The following NUP54 variants were observed in gnomAD, a reference collection of about 807,000 sequenced individuals.
NUP54 encodes the protein nucleoporin 54, also known as nucleoporin p54.
A neutral mutation model predicts 66.4 loss-of-function variants in NUP54; 27 were observed. The ratio of observed to expected loss-of-function variants is 0.41; its 90% CI spans 0.30 to 0.56. The LOEUF (loss-of-function observed/expected upper bound fraction) is 0.56. NUP54 is among the 20% of genes least tolerant of loss of function. The probability of loss-of-function intolerance (pLI) is 0.34; values close to 1 mark genes in which losing one functional copy is unlikely to be tolerated. For missense variants in NUP54, 486 were observed against 596.3 expected (o/e 0.82, Z 1.93); for synonymous variants, 206 against 210.7 (o/e 0.98, Z 0.19).
At chr4:76,147,825 G>A (rs561074114) in intron 1 of NUP54, 3 of 364,018 alleles carry the variant, frequency 8.2e-6, no homozygotes, top group East Asian at 1.5e-4. Context: ...GAAGCATGAC[G>A]GATAAACCCC....
intron 9 of NUP54, among the ~76,000 whole-genome samples, chr4:76,123,028 G>A (rs2109861378): frequency 6.6e-6 from 1 of 152,310 alleles, no homozygotes; most frequent in South Asian, 2.1e-4. Context: ...AGGCAAAACT[G>A]GTTGCATAGG....
At chr4:76,132,393 A>G (rs1730839760) in intron 6 of NUP54, 130 bp downstream of exon 6, 2 of 579,516 alleles carry the variant, frequency 3.5e-6, no homozygotes, top group Non-Finnish European at 2.8e-6. Flanking sequence ...TATTTCCCAA[A>G]TAAGTAGATA....
At chr4:76,139,952 TAAAGA>T (rs1429869512) in intron 3 of NUP54, among the ~76,000 whole-genome samples, 1 of 152,080 alleles carries the variant, frequency 6.6e-6, no homozygotes, top group Non-Finnish European at 1.5e-5. Flanking sequence ...TTTGATAAAA[TAAAGA>T]AAACAGAAAC....
Position 76,134,477 on chromosome 4 carries a change from T to C in NUP54, c.523-115A>G, listed in dbSNP as rs1269558703. The C allele has an allele frequency of 1.5e-5, 13 of 841,682 alleles. No homozygotes were observed. In the African/African-American group the frequency reaches 1.9e-4, roughly 12 times the overall value. 52.1% of individuals were successfully genotyped at this position (841,682 alleles called of 1,614,324 possible). A position where few individuals can be genotyped will look rare whatever the true frequency, so the allele number is the denominator to read the frequency against. On this transcript the variant is annotated intron_variant, in intron 4 of 11. Transcript: ENST00000264883. Reference sequence around the variant, plus strand: ...GGAAAAACAACTTAATGTCTGGTAATTAAGGGAATAATGATTCTTCCCACC... The same window carrying C: ...GGAAAAACAACTTAATGTCTGGTAACTAAGGGAATAATGATTCTTCCCACC...
chr4:76,121,758 TAC>T (rs1334241566), intron 9 of NUP54, among the ~76,000 whole-genome samples: 2 of 152,246 alleles, frequency 1.3e-5, no homozygotes, highest in Non-Finnish European at 2.9e-5. Context: ...ATTCCTATTT[TAC>T]AGTTTTGTCA....
Position 76,118,097 on chromosome 4 carries a change from A to AGT in NUP54, c.1260_1261dup (p.Leu421HisfsTer2). On this transcript the variant is annotated frameshift_variant, in exon 10 of 12. Transcript: ENST00000264883. LOFTEE classifies it high-confidence loss of function. ...TACCTTGAACTGAGTAGGTGCATTT[A>AGT]GTTCACCCTGAATCGTATCCAGCTG... The AGT allele has an allele frequency of 6.2e-7, 1 of 1,614,082 alleles. No homozygotes were observed. The highest frequency in any genetic ancestry group is 8.5e-7 in the Non-Finnish European group (1 of 1,179,948).
In NUP54 at chr4:76,148,355, G is replaced by A. The variant is rs1333851368; in HGVS notation, c.20C>T (p.Ala7Val). 1 of 1,546,558 alleles carries A rather than the reference G, an allele frequency of 6.5e-7. No homozygotes were observed. Among genetic ancestry groups the A allele is most frequent in the Non-Finnish European group, 8.7e-7 (1 of 1,147,358 alleles). MAFNFGAPSGTSGTAAA... is the reference protein window; with the variant it reads MAFNFGVPSGTSGTAAA... ...AGCGGTACCGGAGGTGCCCGAGGGA[G>A]CCCCAAAATTGAAGGCCATGTCGCG... The change falls in exon 1 of 12, where the codon GCT (alanine) becomes GTT (valine). Residue 7 changes from alanine (A) to valine (V), a missense_variant. Physicochemically the swap from Ala to Val is moderately conservative, Grantham distance 64. Transcript: ENST00000264883.
At chr4:76,147,636 A>G (rs1731558790) in intron 1 of NUP54, 1 of 1,289,362 alleles carries the variant, frequency 7.8e-7, no homozygotes, top group Non-Finnish European at 1.0e-6. Flanking sequence ...CAAGCCCACC[A>G]AATCCTGATA....
chr4:76,135,820 G>A (rs1222930670), intron 4 of NUP54, among the ~76,000 whole-genome samples: 3 of 152,178 alleles, frequency 2.0e-5, no homozygotes, highest in African/African-American at 2.4e-5. Context: ...TACATGCCAA[G>A]GGGAATTTCT....
In NUP54 at chr4:76,139,063, TTACTA is replaced by T. The variant is rs1229378688; in HGVS notation, c.296-2656_296-2652del. ...AAAAAGAAAAAAAATTATCTTGCCT[TTACTA>T]TACAAACTGTACATCAGGGTGATCA... On this transcript the variant is annotated intron_variant, in intron 3 of 11. Coordinates refer to ENST00000264883, the MANE Select transcript of NUP54 (RefSeq NM_017426.4). Among the ~76,000 whole-genome samples, 5 of 152,188 alleles carry T rather than the reference TTACTA, an allele frequency of 3.3e-5. No individual in the cohort carries two copies. In the East Asian group the frequency reaches 9.6e-4, roughly 29 times the overall value.
chr4:76,141,184 T>C (rs1450073614), intron 3 of NUP54, among the ~76,000 whole-genome samples: 1 of 152,176 alleles, frequency 6.6e-6, no homozygotes, highest in East Asian at 1.9e-4. Context: ...TATACTGAGA[T>C]AGGACAAGCA....
chr4:76,134,456 AAAC>A, intron 4 of NUP54, 94 bp from the exon 5 acceptor site: 1 of 1,019,798 alleles, frequency 9.8e-7, no homozygotes, highest in Non-Finnish European at 1.4e-6. Flanking sequence ...AAAATGGGAA[AAAC>A]AACTTAATGT....
intron 9 of NUP54, among the ~76,000 whole-genome samples, chr4:76,119,162 ATTTT>A (rs929508662): frequency 2.0e-5 from 3 of 152,112 alleles, no homozygotes; most frequent in African/African-American, 7.2e-5. Context: ...TATTTCTTGG[ATTTT>A]TTTTGAGATT....
intron 3 of NUP54, among the ~76,000 whole-genome samples, chr4:76,138,040 G>A (rs1346472841): frequency 6.6e-6 from 1 of 152,154 alleles, no homozygotes; most frequent in Non-Finnish European, 1.5e-5. Flanking sequence ...TATTGTTTAA[G>A]TTCTCTTTCA....
intron 9 of NUP54, among the ~76,000 whole-genome samples, chr4:76,122,271 G>T (rs1231652509): frequency 6.6e-6 from 1 of 151,964 alleles, no homozygotes; most frequent in African/African-American, 2.4e-5. Flanking sequence ...TGGTTTTTTG[G>T]TCCGATTTGA....
Position 76,144,307 on chromosome 4 carries a change from T to G in NUP54, c.152-15A>C. ...ACCAAAGAGTCCTTTGAATGAAAAA[T>G]TGGAACTTCGTAAGTTAAAAAAAAA... On this transcript the variant is annotated splice_polypyrimidine_tract_variant and intron_variant, in intron 2 of 11. Transcript: ENST00000264883. 1.3e-6 allele frequency: 2 copies of G among 1,585,312 alleles called. No individual in the cohort carries two copies. The highest frequency in any genetic ancestry group is 1.7e-6 in the Non-Finnish European group (2 of 1,172,850).
intron 11 of NUP54, 62 bp downstream of exon 11, chr4:76,117,602 T>C: frequency 1.0e-6 from 1 of 978,456 alleles, no homozygotes; most frequent in Non-Finnish European, 1.6e-6. Context: ...ATAATAGCCA[T>C]CCTAATAGGT....
intron 8 of NUP54, among the ~76,000 whole-genome samples, chr4:76,127,161 A>G (rs896894109): frequency 4.6e-4 from 70 of 152,250 alleles, no homozygotes; most frequent in Non-Finnish European, 9.3e-4. Context: ...GGCTGGGCGC[A>G]GTGGCTCACG....
At chr4:76,143,676 T>C (rs1034240953) in intron 3 of NUP54, among the ~76,000 whole-genome samples, 21 of 152,098 alleles carry the variant, frequency 1.4e-4, no homozygotes, top group African/African-American at 5.1e-4. Context: ...CAAAACCAAA[T>C]ACTGTTTACA....
Sources: allele counts gnomAD v4.1 joint callset (sites outside exome capture counted in the v4.1 genomes callset), GRCh38; gene constraint gnomAD v4.1.1; transcripts MANE v1.5; gene names NCBI Gene and HGNC (gene_info 2026-07-23, HGNC 2026-07-21).